DYSF: variants seen among roughly 807,000 people sequenced by gnomAD.
DYSF encodes dystrophy-associated fer-1-like 1.
Under a neutral mutation model 274.9 loss-of-function variants are expected in DYSF, and 212 were observed. The ratio of observed to expected loss-of-function variants is 0.77; its 90% CI spans 0.69 to 0.86. The LOEUF (loss-of-function observed/expected upper bound fraction) is 0.86. DYSF is among the 40% of genes least tolerant of loss of function. The pLI, the probability that DYSF is intolerant of heterozygous loss-of-function variation, is 0.00. For synonymous variants in DYSF, 1,091 were observed against 1,078.7 expected, an observed-to-expected ratio of 1.01 and a Z score of -0.22; for missense variants, 2,666 against 2,783.2, an observed-to-expected ratio of 0.96 and a Z score of 0.95.
In DYSF at chr2:71,628,342, C is replaced by G. The variant is rs959229312; in HGVS notation, c.4527+7733C>G. On this transcript the variant is annotated intron_variant, in intron 41 of 55. Coordinates refer to ENST00000410020, the MANE Select transcript of DYSF (RefSeq NM_001130987.2). ...CTTTTGTACAATATTTTAGTTTTAT[C>G]TTTTTTACCTACCTTTTTAAAGCAT... is the stretch of plus-strand genomic sequence containing the variant. Among the ~76,000 whole-genome samples, 7 of 151,776 alleles carry G rather than the reference C, an allele frequency of 4.6e-5. No homozygotes were observed. In the South Asian group the frequency reaches 1.5e-3, roughly 32 times the overall value.
At chr2:71,465,651 G>C (rs1367400466), upstream of DYSF, among the ~76,000 whole-genome samples, 1 of 152,202 alleles carries the variant, frequency 6.6e-6, no homozygotes, top group Non-Finnish European at 1.5e-5. Context: ...CAAAATAAGA[G>C]AGGGGAAAGG....
chr2:71,564,154 CG>C lies in DYSF; in HGVS notation c.2508del (p.Arg837GlyfsTer18). 1 of 1,614,244 alleles carries C rather than the reference CG, an allele frequency of 6.2e-7. No homozygotes were observed. The highest frequency in any genetic ancestry group is 8.5e-7 in the Non-Finnish European group (1 of 1,180,040). The stretch of plus-strand genomic sequence containing the variant: ...GCCCGCCCACCAAGTCCTCTTCTCC[CG>C]GCGGGGTGCCAACTACTGTGGCAAG... ...RVPAHQVLFS[R>X]RGANYCGKNC... On this transcript the variant is annotated frameshift_variant, in exon 24 of 56. Transcript: ENST00000410020. LOFTEE classifies it high-confidence loss of function.
rs1303760591 is a variant in DYSF at position 71,612,803 on chromosome 2, C to T, written c.4384C>T (p.Pro1462Ser). ...GGAGAGTCCATCCCCACAGGGTGGCCCAGGTAGGGGAAGGGGAGATGATGG... is the reference window on the plus strand; with the variant it reads ...GGAGAGTCCATCCCCACAGGGTGGCTCAGGTAGGGGAAGGGGAGATGATGG... Reference protein sequence around the residue: ...SAESPSPQGGPDDVSLLSPGE... With the variant: ...SAESPSPQGGSDDVSLLSPGE... Residue 1462 changes from proline to serine, a missense_variant, in exon 39 of 56, where the codon CCA (proline) becomes TCA (serine). Physicochemically the swap from Pro to Ser is moderately conservative, Grantham distance 74. This residue lies in a region of DYSF where 1,460 missense variants were observed against 1,502.1 expected (regional missense o/e 0.97). Transcript: ENST00000410020. 3 of 1,611,542 alleles carry T rather than the reference C, an allele frequency of 1.9e-6. No individual in the cohort carries two copies. The Admixed American group carries it at 5.0e-5, about 27-fold the overall frequency.
chr2:71,650,616 TG>T (rs771871890), intron 42 of DYSF, among the ~76,000 whole-genome samples: 1 of 152,184 alleles, frequency 6.6e-6, no homozygotes, highest in Non-Finnish European at 1.5e-5. Flanking sequence ...CAATTGACCA[TG>T]TAACAGGCCA....
intron 32 of DYSF, 91 bp from the exon 33 acceptor site, chr2:71,598,473 C>T (rs2093459916): frequency 8.1e-6 from 12 of 1,485,156 alleles, no homozygotes; most frequent in Admixed American, 1.8e-5. Flanking sequence ...CAACCCTGCT[C>T]CAGCTTTGTG....
chr2:71,556,552 G>A (rs964594236), intron 22 of DYSF, among the ~76,000 whole-genome samples: 6 of 152,198 alleles, frequency 3.9e-5, no homozygotes, highest in African/African-American at 1.4e-4. Context: ...GCTGCCATGT[G>A]GTTTTGGGGA....
rs1167021157 is a variant in DYSF, at chr2:71,679,081, G to A, written c.5909G>A (p.Arg1970His). The change falls in exon 53 of 56, where the codon CGC becomes CAC. Residue 1970 changes from arginine to histidine, a missense_variant. By Grantham distance (29) the Arg-to-His change is conservative. This residue lies in a region of DYSF where 1,460 missense variants were observed against 1,502.1 expected (regional missense o/e 0.97). Coordinates refer to ENST00000410020, the MANE Select transcript of DYSF (RefSeq NM_001130987.2). ...GGCTCCCTGCAGCTCGATCTCAACC[G>A]CATGCCCAAGCCAGCCAAGACAGCC... ...FLGSLQLDLN[R>H]MPKPAKTAKK... 8 of 1,613,850 alleles carry A rather than the reference G, an allele frequency of 5.0e-6. No homozygotes were observed. Among genetic ancestry groups the A allele is most frequent in the African/African-American group, 2.7e-5 (2 of 74,878 alleles).
Position 71,570,285 on chromosome 2 carries a change from G to A in DYSF, c.3036G>A (p.Trp1012Ter). 1 of 1,614,156 alleles carries A rather than the reference G, an allele frequency of 6.2e-7. No individual in the cohort carries two copies. Reference sequence around the variant, plus strand: ...TTGAGTGCCCACTGGGCTGGAAGTGGGAAGATGAGGAATGGTCCACAGACC... The same window carrying A: ...TTGAGTGCCCACTGGGCTGGAAGTGAGAAGATGAGGAATGGTCCACAGACC... ...DDIECPLGWKWEDEEWSTDLN... is the reference protein window; with the variant it reads ...DDIECPLGWK Residue 1012 changes from tryptophan (W) to a stop codon, truncating the protein, a stop_gained, in exon 28 of 56, where the codon TGG becomes TGA. Coordinates refer to ENST00000410020, the MANE Select transcript of DYSF (RefSeq NM_001130987.2). LOFTEE classifies it high-confidence loss of function.
At chr2:71,462,963 G>A (rs1177699243), upstream of DYSF, among the ~76,000 whole-genome samples, 1 of 152,230 alleles carries the variant, frequency 6.6e-6, no homozygotes, top group Non-Finnish European at 1.5e-5. Flanking sequence ...ACTCTGGGCT[G>A]AGGACTCCAC....
chr2:71,467,593 T>C (rs1196592027), intron 1 of DYSF, among the ~76,000 whole-genome samples: 1 of 152,086 alleles, frequency 6.6e-6, no homozygotes, highest in Non-Finnish European at 1.5e-5. Flanking sequence ...TCACCAGGCG[T>C]CCTGAACCCC....
At chr2:71,470,737 T>TTCC (rs2081960937) in intron 1 of DYSF, among the ~76,000 whole-genome samples, 1 of 96,044 alleles carries the variant, frequency 1.0e-5, no homozygotes, top group Non-Finnish European at 1.9e-5. Context: ...TCCTTCCTTC[T>TTCC]TTCCTTCCTT....
At position 71,667,495 on chromosome 2, in the gene DYSF, C is replaced by T; in HGVS notation, c.5437C>T (p.Leu1813=). ...GGAGTCACGGCCCCTCTACAGCCCC[C>T]TGCAGCCAGACATCGAGCAGGTAGG... ...HVESRPLYSP[L]QPDIEQGKLQ... The change falls in exon 48 of 56, where the codon CTG becomes TTG. Residue 1813 remains leucine, a synonymous_variant. Coordinates refer to ENST00000410020, the MANE Select transcript of DYSF (RefSeq NM_001130987.2). The T allele has an allele frequency of 6.2e-7, 1 of 1,614,158 alleles. No individual in the cohort carries two copies. The highest frequency in any genetic ancestry group is 1.7e-5 in the Admixed American group (1 of 60,024).
At chr2:71,611,706 GT>G in intron 38 of DYSF, 80 bp downstream of exon 38, 1 of 1,534,064 alleles carries the variant, frequency 6.5e-7, no homozygotes, top group Non-Finnish European at 8.8e-7. Flanking sequence ...CCTGGGGCTT[GT>G]GCTCCAATTC....
At chr2:71,644,723 A>G (rs2094541228) in intron 42 of DYSF, among the ~76,000 whole-genome samples, 1 of 152,256 alleles carries the variant, frequency 6.6e-6, no homozygotes, top group Non-Finnish European at 1.5e-5. Flanking sequence ...CTACTTTTAA[A>G]GAAGATAATC....
At chr2:71,455,069 T>C (rs1229705756) in intron 1 of DYSF, among the ~76,000 whole-genome samples, 1 of 152,190 alleles carries the variant, frequency 6.6e-6, no homozygotes, top group Non-Finnish European at 1.5e-5. Flanking sequence ...CCAGAAATCA[T>C]AGCATTAGTT....
At chr2:71,678,527 G>C (rs2095254962) in intron 52 of DYSF, among the ~76,000 whole-genome samples, 1 of 152,180 alleles carries the variant, frequency 6.6e-6, no homozygotes, top group African/African-American at 2.4e-5. Context: ...CTGGGGCGAA[G>C]GGGAGGGAGG....
At chr2:71,537,935 T>C (rs10182748) in intron 16 of DYSF, among the ~76,000 whole-genome samples, 98,462 of 151,922 alleles carry the variant, frequency 0.65, 32,678 homozygotes, top group Middle Eastern at 0.76. Flanking sequence ...TGTTTCTCAG[T>C]GTCTGCATCA....
intron 28 of DYSF, 122 bp from the exon 29 acceptor site, chr2:71,570,477 A>C: frequency 4.0e-6 from 6 of 1,482,860 alleles, no homozygotes; most frequent in Non-Finnish European, 4.6e-6. Flanking sequence ...TCCAAGCTGC[A>C]AATTAGGACC....
At chr2:71,604,402 C>T (rs1381957672) in intron 36 of DYSF, among the ~76,000 whole-genome samples, 2 of 152,210 alleles carry the variant, frequency 1.3e-5, no homozygotes, top group Admixed American at 6.5e-5. Flanking sequence ...AAGCTCCTGC[C>T]TTGTATCTCC....
Sources: allele counts gnomAD v4.1 joint callset (sites outside exome capture counted in the v4.1 genomes callset), GRCh38; gene constraint gnomAD v4.1.1; regional missense constraint gnomAD v4.1.1; transcripts MANE v1.5; gene names NCBI Gene and HGNC (gene_info 2026-07-23, HGNC 2026-07-21).